SERPINI1: variants seen among roughly 807,000 people sequenced by gnomAD.
SERPINI1 encodes the protein serpin family I member 1, also known as neuroserpin.
Under a neutral mutation model 41.1 loss-of-function variants are expected in SERPINI1, and 19 were observed. That is an observed-to-expected ratio of 0.46 (90% confidence interval 0.32 to 0.68). The LOEUF (loss-of-function observed/expected upper bound fraction) is 0.68, where lower values mean the gene tolerates loss of function less well. SERPINI1 is among the 30% of genes least tolerant of loss of function. SERPINI1 has a pLI of 0.03. For synonymous variants in SERPINI1, 138 were observed against 156.6 expected (o/e 0.88, Z 0.89); for missense variants, 460 against 479.2 (o/e 0.96, Z 0.37).
intron 1 of SERPINI1, among the ~76,000 whole-genome samples, chr3:167,742,965 A>G (rs1260810454): frequency 6.6e-6 from 1 of 152,064 alleles, no homozygotes; most frequent in Non-Finnish European, 1.5e-5. Flanking sequence ...TGGTATCTCC[A>G]GTTAAAAGGC....
At position 167,824,556 on chromosome 3, in the gene SERPINI1, A is replaced by G; in HGVS notation, c.1150A>G (p.Arg384Gly). 2 of 1,608,446 alleles carry G rather than the reference A, an allele frequency of 1.2e-6. No homozygotes were observed. Among genetic ancestry groups the G allele is most frequent in the Non-Finnish European group, 1.7e-6 (2 of 1,175,192 alleles). ...ATTTTTCTTTCTTATCAGAAACAGG[A>G]GAACTGGTAAGTTTATTATGAAAAC... is the stretch of plus-strand genomic sequence containing the variant. ...HPFFFLIRNRRTGTILFMGRV... is the reference protein window; with the variant it reads ...HPFFFLIRNRGTGTILFMGRV... The change falls in exon 8 of 9, where the codon AGA (arginine) becomes GGA (glycine). Residue 384 changes from arginine (R) to glycine (G), a missense_variant. Physicochemically the swap from Arg to Gly is moderately radical, Grantham distance 125 (BLOSUM62 -2). Transcript: ENST00000446050.
In SERPINI1 at chr3:167,789,206, T is replaced by G; in HGVS notation, c.78T>G (p.Ile26Met). Residue 26 changes from isoleucine (I) to methionine (M), a missense_variant, in exon 2 of 9, where the codon ATT becomes ATG. By Grantham distance (10) the Ile-to-Met change is conservative. Coordinates refer to ENST00000446050, the MANE Select transcript of SERPINI1 (RefSeq NM_001122752.2). ...GGGCCACTTTCCCTGAGGAAGCCAT[T>G]GCTGACTTGTCAGTGAATATGTATA... ...ATGATFPEEAIADLSVNMYNR... is the reference protein window; with the variant it reads ...ATGATFPEEAMADLSVNMYNR... 1.2e-6 allele frequency: 2 copies of G among 1,614,194 alleles called. No homozygotes were observed. Among genetic ancestry groups the G allele is most frequent in the Non-Finnish European group, 1.7e-6 (2 of 1,180,016 alleles).
intron 6 of SERPINI1, among the ~76,000 whole-genome samples, chr3:167,819,252 G>T (rs1163410082): frequency 6.6e-6 from 1 of 152,124 alleles, no homozygotes; most frequent in African/African-American, 2.4e-5. Flanking sequence ...GGGCTCAAGT[G>T]ATCCTCCTGC....
chr3:167,753,075 C>G (rs1726093498), intron 1 of SERPINI1, among the ~76,000 whole-genome samples: 1 of 152,106 alleles, frequency 6.6e-6, no homozygotes, highest in Admixed American at 6.5e-5. Flanking sequence ...CTGCTTTCAC[C>G]TCCATGTCCA....
chr3:167,823,198 C>A, intron 7 of SERPINI1, 126 bp downstream of exon 7: 1 of 743,964 alleles, frequency 1.3e-6, no homozygotes, highest in Non-Finnish European at 2.5e-6. Context: ...AGAAGTCAAG[C>A]AAATGCTGAA....
intron 1 of SERPINI1, among the ~76,000 whole-genome samples, chr3:167,757,497 A>ATC (rs71176653): frequency 8.2e-4 from 124 of 151,436 alleles, no homozygotes; most frequent in East Asian, 4.5e-3. Flanking sequence ...AATTAGTGAG[A>ATC]TCTCTCTCTC....
rs185392471 is a variant in SERPINI1 at position 167,759,148 on chromosome 3, A to G, written c.-19+23325A>G. On this transcript the variant is annotated intron_variant, in intron 1 of 8. Coordinates refer to ENST00000446050, the MANE Select transcript of SERPINI1 (RefSeq NM_001122752.2). ...GCTTTACTATTTCATTCTCATAACT[A>G]CTTTACAAAGACAGAGAAGGCATAT... 1.4e-3 allele frequency among the ~76,000 whole-genome samples: 219 copies of G among 152,150 alleles called. 1 individual carries two copies. Among genetic ancestry groups the G allele is most frequent in the Non-Finnish European group, 2.1e-3 (146 of 67,978 alleles).
Position 167,799,139 on chromosome 3 carries a change from C to G in SERPINI1, c.881+4315C>G, listed in dbSNP as rs573714097. Among the ~76,000 whole-genome samples the G allele has an allele frequency of 4.5e-3, 681 of 152,168 alleles. 2 individuals carry two copies. The highest frequency in any genetic ancestry group is 8.2e-3 in the Non-Finnish European group (561 of 68,008). Reference sequence around the variant, plus strand: ...ACACGTGCCATGGTGGTTTGCTGCACCCATCAACCCATCACCTACATTAGG... The same window carrying G: ...ACACGTGCCATGGTGGTTTGCTGCAGCCATCAACCCATCACCTACATTAGG... On this transcript the variant is annotated intron_variant, in intron 5 of 8. Transcript: ENST00000446050.
intron 1 of SERPINI1, among the ~76,000 whole-genome samples, chr3:167,744,069 A>C (rs1476255258): frequency 6.6e-6 from 1 of 152,128 alleles, no homozygotes; most frequent in Non-Finnish European, 1.5e-5. Context: ...AGTATTTCCT[A>C]TCTGGCCCTT....
intron 1 of SERPINI1, among the ~76,000 whole-genome samples, chr3:167,756,864 AAAT>A (rs766050416): frequency 1.2e-4 from 18 of 152,168 alleles, no homozygotes; most frequent in Non-Finnish European, 2.1e-4. Context: ...CAGACTTTAT[AAAT>A]AATGTATTCT....
chr3:167,779,991 C>T (rs2108551012), intron 1 of SERPINI1, among the ~76,000 whole-genome samples: 1 of 152,202 alleles, frequency 6.6e-6, no homozygotes. Flanking sequence ...ACTTATTTCA[C>T]AGGTTCTGGC....
chr3:167,791,991 G>A (rs1490053478), intron 3 of SERPINI1, among the ~76,000 whole-genome samples: 1 of 152,080 alleles, frequency 6.6e-6, no homozygotes, highest in Non-Finnish European at 1.5e-5. Context: ...CAGGTGTGGT[G>A]GCACACACCT....
intron 1 of SERPINI1, among the ~76,000 whole-genome samples, chr3:167,738,004 T>C (rs932382844): frequency 2.0e-5 from 3 of 152,128 alleles, no homozygotes; most frequent in African/African-American, 7.2e-5. Flanking sequence ...ATTGGAAATA[T>C]ATGGCATTTA....
chr3:167,756,710 C>A (rs1279017519), intron 1 of SERPINI1, among the ~76,000 whole-genome samples: 2 of 152,006 alleles, frequency 1.3e-5, no homozygotes, highest in Non-Finnish European at 2.9e-5. Flanking sequence ...AAGCATATGC[C>A]CCTTGTAATG....
chr3:167,771,834 C>T (rs943949373), intron 1 of SERPINI1, among the ~76,000 whole-genome samples: 30 of 143,794 alleles, frequency 2.1e-4, no homozygotes, highest in Middle Eastern at 3.5e-3. Flanking sequence ...TGTGTGTGCG[C>T]GTGTGTGTGT....
At chr3:167,805,129 A>G (rs1232441461) in intron 5 of SERPINI1, among the ~76,000 whole-genome samples, 1 of 152,048 alleles carries the variant, frequency 6.6e-6, no homozygotes, top group African/African-American at 2.4e-5. Flanking sequence ...TTTGTTTAAA[A>G]AAACTCTTAA....
At chr3:167,774,114 T>A (rs957862340) in intron 1 of SERPINI1, among the ~76,000 whole-genome samples, 2 of 152,186 alleles carry the variant, frequency 1.3e-5, no homozygotes, top group Non-Finnish European at 2.9e-5. Flanking sequence ...TATACATTTT[T>A]AAAAACATCA....
At chr3:167,745,330 G>A (rs549244548) in intron 1 of SERPINI1, among the ~76,000 whole-genome samples, 37 of 151,972 alleles carry the variant, frequency 2.4e-4, no homozygotes, top group Non-Finnish European at 4.0e-4. Flanking sequence ...TATCTCAATT[G>A]AAGAAGAAAA....
At chr3:167,740,570 T>C (rs1159993081) in intron 1 of SERPINI1, among the ~76,000 whole-genome samples, 1 of 152,242 alleles carries the variant, frequency 6.6e-6, no homozygotes, top group Admixed American at 6.5e-5. Context: ...AAATGACTTT[T>C]TCTTAGACAT....
Sources: allele counts gnomAD v4.1 joint callset (sites outside exome capture counted in the v4.1 genomes callset), GRCh38; gene constraint gnomAD v4.1.1; transcripts MANE v1.5; gene names NCBI Gene and HGNC (gene_info 2026-07-23, HGNC 2026-07-21).